The following TANC1 variants were observed in gnomAD, a reference collection of about 807,000 sequenced individuals.
TANC1 encodes tetratricopeptide repeat, ankyrin repeat and coiled-coil containing 1, also known as protein TANC1.
In TANC1, 77 loss-of-function variants were observed where a neutral mutation model predicts 149.7. The observed-to-expected ratio is 0.51, with a 90% CI of 0.43 to 0.62. The LOEUF (loss-of-function observed/expected upper bound fraction) is 0.62. TANC1 is among the 20% of genes least tolerant of loss of function. TANC1 has a pLI of 0.00. For synonymous variants in TANC1, 854 were observed against 925.0 expected, an observed-to-expected ratio of 0.92 and a Z score of 1.39; for missense variants, 1,985 against 2,321.8, an observed-to-expected ratio of 0.85 and a Z score of 2.98.
At position 159,048,177 on chromosome 2, in the gene TANC1, A is replaced by G. The variant is rs543509339; in HGVS notation, c.-15-17719A>G. 2.0e-5 allele frequency among the ~76,000 whole-genome samples: 3 copies of G among 152,326 alleles called. No homozygotes were observed. In the East Asian group the frequency reaches 5.8e-4, roughly 29 times the overall value. ...TGACCCCAACACCTTTGCCTTTGGT[A>G]TCATGCCACCTTGTTTTGAGTTGTT... On this transcript the variant is annotated intron_variant, in intron 2 of 26. Transcript: ENST00000263635.
chr2:158,987,680 C>T (rs1273066493), intron 1 of TANC1, among the ~76,000 whole-genome samples: 1 of 152,200 alleles, frequency 6.6e-6, no homozygotes, highest in African/African-American at 2.4e-5. Flanking sequence ...TGAAGCCAGA[C>T]AGACTGGGAT....
intron 7 of TANC1, among the ~76,000 whole-genome samples, chr2:159,158,059 A>G (rs2053618662): frequency 6.6e-6 from 1 of 152,192 alleles, no homozygotes; most frequent in Non-Finnish European, 1.5e-5. Context: ...TGGTATGATC[A>G]GAGCAGTGTA....
chr2:159,197,606 C>A (rs1457996117), intron 18 of TANC1, among the ~76,000 whole-genome samples: 1 of 134,626 alleles, frequency 7.4e-6, no homozygotes, highest in Non-Finnish European at 1.7e-5. Context: ...AAACATTAAA[C>A]ACACACACAC....
At chr2:159,213,505 G>C (rs80071417) in intron 19 of TANC1, among the ~76,000 whole-genome samples, 4,888 of 151,628 alleles carry the variant, frequency 0.032, 251 homozygotes, top group African/African-American at 0.11. Context: ...TTTACATACC[G>C]ACACGCTGAG....
At chr2:159,059,595 C>T (rs950684478) in intron 2 of TANC1, among the ~76,000 whole-genome samples, 3 of 152,096 alleles carry the variant, frequency 2.0e-5, no homozygotes, top group South Asian at 2.1e-4. Context: ...AGCCATCCCC[C>T]GCACCCTGAC....
chr2:158,998,843 C>A (rs2036373518), intron 1 of TANC1, among the ~76,000 whole-genome samples: 1 of 152,120 alleles, frequency 6.6e-6, no homozygotes. Context: ...CCTCACCATG[C>A]CATTCCCCCC....
At chr2:159,096,670 G>A (rs914208253) in intron 3 of TANC1, among the ~76,000 whole-genome samples, 6 of 152,172 alleles carry the variant, frequency 3.9e-5, no homozygotes, top group Non-Finnish European at 7.3e-5. Flanking sequence ...TTTAAAGAGG[G>A]CAGGGGCATG....
At position 159,170,644 on chromosome 2, in the gene TANC1, A is replaced by G; in HGVS notation, c.1190A>G (p.Glu397Gly). 1 of 1,614,210 alleles carries G rather than the reference A, an allele frequency of 6.2e-7. No homozygotes were observed. The highest frequency in any genetic ancestry group is 1.3e-5 in the African/African-American group (1 of 75,040). The change falls in exon 10 of 27, where the codon GAA (glutamate) becomes GGA (glycine). Residue 397 changes from glutamate (E) to glycine (G), a missense_variant. Around this residue, in one of 3 missense-constraint regions of TANC1, gnomAD observed 557 missense variants for 612.9 expected, o/e 0.91. Coordinates refer to ENST00000263635, the MANE Select transcript of TANC1 (RefSeq NM_033394.3). ...GRDWLFHQIE[E>G]NLRNTELAEN... The stretch of plus-strand genomic sequence containing the variant: ...GATTGGCTCTTTCACCAGATAGAAG[A>G]AAACTTGAGGAACACAGAACTGGCA...
At chr2:159,219,102 C>T (rs143477157) in intron 20 of TANC1, 136 bp from the exon 21 acceptor site, 1 of 1,151,322 alleles carries the variant, frequency 8.7e-7, no homozygotes, top group Non-Finnish European at 1.3e-6. Context: ...TTTTCCAGGC[C>T]CCATGGTTCA....
At chr2:159,110,788 C>T (rs929083905) in intron 4 of TANC1, among the ~76,000 whole-genome samples, 1 of 152,162 alleles carries the variant, frequency 6.6e-6, no homozygotes, top group African/African-American at 2.4e-5. Context: ...GAATGGATTC[C>T]CATAGTATCT....
intron 2 of TANC1, among the ~76,000 whole-genome samples, chr2:159,033,890 C>T (rs1303365278): frequency 6.6e-6 from 1 of 152,164 alleles, no homozygotes; most frequent in Non-Finnish European, 1.5e-5. Flanking sequence ...AGTAGTTATC[C>T]TTGAATGCGT....
At chr2:159,090,903 T>A (rs2045460194) in intron 3 of TANC1, among the ~76,000 whole-genome samples, 1 of 152,094 alleles carries the variant, frequency 6.6e-6, no homozygotes. Flanking sequence ...CAGCATGAGG[T>A]GTGACTGAGA....
intron 4 of TANC1, among the ~76,000 whole-genome samples, chr2:159,119,110 T>C (rs1345261248): frequency 2.0e-5 from 3 of 152,220 alleles, no homozygotes; most frequent in Non-Finnish European, 4.4e-5. Context: ...ATATTTTTCT[T>C]TGGTATAGGC....
At chr2:159,165,231 G>A (rs1317698872) in intron 8 of TANC1, among the ~76,000 whole-genome samples, 1 of 152,178 alleles carries the variant, frequency 6.6e-6, no homozygotes, top group Non-Finnish European at 1.5e-5. Flanking sequence ...GTGACAGTGG[G>A]TGTGAGCTGA....
At chr2:159,156,342 TGC>T (rs1474446455) in intron 7 of TANC1, among the ~76,000 whole-genome samples, 1 of 152,190 alleles carries the variant, frequency 6.6e-6, no homozygotes, top group Non-Finnish European at 1.5e-5. Flanking sequence ...TTTGGTAATA[TGC>T]TTAATGTGGG....
At chr2:158,974,088 T>G (rs2033296990) in intron 1 of TANC1, among the ~76,000 whole-genome samples, 2 of 152,224 alleles carry the variant, frequency 1.3e-5, no homozygotes, top group Non-Finnish European at 2.9e-5. Context: ...CTTCTCCTGT[T>G]GTCCTACATA....
At chr2:159,169,401 T>C (rs2054943541) in intron 9 of TANC1, 29 bp downstream of exon 9, 1 of 1,609,090 alleles carries the variant, frequency 6.2e-7, no homozygotes, top group African/African-American at 1.3e-5. Context: ...GCTGCGATAA[T>C]GGTTATGACT....
At chr2:159,052,406 T>A (rs190855033) in intron 2 of TANC1, among the ~76,000 whole-genome samples, 264 of 152,302 alleles carry the variant, frequency 1.7e-3, no homozygotes, top group Middle Eastern at 0.01. Context: ...GTATGTGACA[T>A]ACTCGCTCCT....
chr2:159,058,191 G>A (rs1286848687), intron 2 of TANC1, among the ~76,000 whole-genome samples: 2 of 152,292 alleles, frequency 1.3e-5, no homozygotes, highest in East Asian at 3.9e-4. Flanking sequence ...TTTGGCTACT[G>A]TCTTTGCACT....
Sources: gnomAD v4.1 joint callset for allele counts (sites outside exome capture counted in the v4.1 genomes callset) on GRCh38, gnomAD v4.1.1 for gene constraint, gnomAD v4.1.1 regional missense constraint, MANE v1.5 for transcripts, NCBI Gene and HGNC (gene_info 2026-07-23, HGNC 2026-07-21) for gene names.